Variants in RALGPS1 observed in about 807,000 individuals in gnomAD.
The protein encoded by RALGPS1 is ras-specific guanine nucleotide-releasing factor RalGPS1.
RALGPS1 carries 19 observed loss-of-function variants against 78.8 expected under a neutral mutation model. That is an observed-to-expected ratio of 0.24 (90% CI 0.17 to 0.35). The LOEUF is 0.35. Ranked by LOEUF, RALGPS1 falls within the 10% of genes least tolerant of loss-of-function variation. RALGPS1 has a pLI of 1.00. For missense variants in RALGPS1, 454 were observed against 688.3 expected (o/e 0.66, Z 3.81); for synonymous variants, 228 against 256.3 (o/e 0.89, Z 1.06).
chr9:127,192,735 C>T (rs2061141144), intron 11 of RALGPS1, among the ~76,000 whole-genome samples: 1 of 152,052 alleles, frequency 6.6e-6, no homozygotes, highest in South Asian at 2.1e-4. Context: ...AAAACAGGAG[C>T]CAAAGAGGGA....
intron 3 of RALGPS1, among the ~76,000 whole-genome samples, chr9:126,972,726 A>C (rs1233656000): frequency 6.6e-6 from 1 of 152,338 alleles, no homozygotes; most frequent in East Asian, 1.9e-4. Flanking sequence ...ATTACAAGGA[A>C]TATAAAGGGA....
At chr9:127,149,167 C>T (rs1400066176) in intron 8 of RALGPS1, among the ~76,000 whole-genome samples, 2 of 152,230 alleles carry the variant, frequency 1.3e-5, no homozygotes, top group Non-Finnish European at 2.9e-5. Context: ...TCTAGAGCCC[C>T]ACCCTGTCCA....
chr9:126,940,327 C>T (rs148373427), intron 1 of RALGPS1, among the ~76,000 whole-genome samples: 2 of 152,200 alleles, frequency 1.3e-5, no homozygotes, highest in Admixed American at 6.5e-5. Context: ...AAGTCCAAGC[C>T]ACGTAAATTC....
chr9:127,055,573 G>A (rs1231600065), intron 7 of RALGPS1, among the ~76,000 whole-genome samples: 2 of 152,136 alleles, frequency 1.3e-5, no homozygotes, highest in Non-Finnish European at 2.9e-5. Context: ...CATTGAGATA[G>A]GCACTGTTAC....
At chr9:127,214,920 G>A in intron 18 of RALGPS1, 78 bp downstream of exon 18, 6 of 1,590,202 alleles carry the variant, frequency 3.8e-6, no homozygotes, top group Non-Finnish European at 5.1e-6. Flanking sequence ...AGAAAACAGG[G>A]TTCCCTTCTT....
intron 11 of RALGPS1, among the ~76,000 whole-genome samples, chr9:127,186,061 G>A (rs1398874298): frequency 6.6e-6 from 1 of 152,162 alleles, no homozygotes; most frequent in Non-Finnish European, 1.5e-5. Flanking sequence ...TCATCATCCT[G>A]TCCACTCCAA....
intron 8 of RALGPS1, among the ~76,000 whole-genome samples, chr9:127,125,681 G>A (rs1011326739): frequency 1.9e-4 from 29 of 152,134 alleles, no homozygotes; most frequent in African/African-American, 6.8e-4. Context: ...CTGGATCTCC[G>A]TGTCCCCCTG....
chr9:127,188,617 G>T (rs1274412953), intron 11 of RALGPS1, among the ~76,000 whole-genome samples: 2 of 151,936 alleles, frequency 1.3e-5, no homozygotes, highest in Non-Finnish European at 2.9e-5. Context: ...GGGTCTCTTT[G>T]TTAAGGTTCT....
At chr9:126,930,750 C>G (rs1270752650) in intron 1 of RALGPS1, among the ~76,000 whole-genome samples, 1 of 152,254 alleles carries the variant, frequency 6.6e-6, no homozygotes, top group African/African-American at 2.4e-5. Flanking sequence ...TGAGCCACTG[C>G]TCCTGGTCAA....
intron 14 of RALGPS1, among the ~76,000 whole-genome samples, chr9:127,199,755 G>C (rs1225845868): frequency 6.6e-6 from 1 of 152,170 alleles, no homozygotes; most frequent in Non-Finnish European, 1.5e-5. Flanking sequence ...TGCTGTGAAG[G>C]GGGTACCCCC....
At chr9:127,140,080 A>T (rs773899016) in intron 8 of RALGPS1, among the ~76,000 whole-genome samples, 1 of 152,140 alleles carries the variant, frequency 6.6e-6, no homozygotes, top group Non-Finnish European at 1.5e-5. Context: ...TATTATTATT[A>T]TTGTTGTCAC....
chr9:126,959,593 CT>C (rs11296664), intron 1 of RALGPS1, among the ~76,000 whole-genome samples: 84,459 of 144,110 alleles, frequency 0.59, 27,430 homozygotes, highest in East Asian at 0.8. Context: ...CTGACCAGTT[CT>C]TTTTTTTTTT....
chr9:127,041,725 T>A (rs2047341114), intron 5 of RALGPS1, among the ~76,000 whole-genome samples: 1 of 152,072 alleles, frequency 6.6e-6, no homozygotes, highest in South Asian at 2.1e-4. Flanking sequence ...AGGTGGAGGA[T>A]CTGTGAGTGA....
chr9:126,972,108 A>G (rs1158015617), intron 3 of RALGPS1, among the ~76,000 whole-genome samples: 1 of 152,206 alleles, frequency 6.6e-6, no homozygotes, highest in Admixed American at 6.5e-5. Context: ...TGAGCCTGGT[A>G]CATCTTCCCA....
chr9:127,019,170 A>G (rs1450358111), intron 4 of RALGPS1, among the ~76,000 whole-genome samples: 3 of 152,170 alleles, frequency 2.0e-5, no homozygotes, highest in Non-Finnish European at 4.4e-5. Flanking sequence ...ATTGTATGTA[A>G]TGAATGTACC....
In RALGPS1 at chr9:126,917,283, C is replaced by G. The variant is rs577445056; in HGVS notation, c.-66+2308C>G. ...AATGGCTCTCAGAGACTGCTGCTGTCTGAGTGACCATCATGCTCTTTGGGT... is the reference window on the plus strand; with the variant it reads ...AATGGCTCTCAGAGACTGCTGCTGTGTGAGTGACCATCATGCTCTTTGGGT... On this transcript the variant is annotated intron_variant, in intron 1 of 18. Coordinates refer to ENST00000259351, the MANE Select transcript of RALGPS1 (RefSeq NM_014636.3). Among the ~76,000 whole-genome samples, 9 of 152,262 alleles carry G rather than the reference C, an allele frequency of 5.9e-5. No individual in the cohort carries two copies. The South Asian group carries it at 1.7e-3, about 28-fold the overall frequency.
At chr9:127,138,148 C>T (rs2057528334) in intron 8 of RALGPS1, among the ~76,000 whole-genome samples, 1 of 152,174 alleles carries the variant, frequency 6.6e-6, no homozygotes, top group South Asian at 2.1e-4. Flanking sequence ...CCCCGGGTAG[C>T]GAACATGTGT....
chr9:127,030,086 G>T (rs538631804), intron 4 of RALGPS1, among the ~76,000 whole-genome samples: 24 of 152,086 alleles, frequency 1.6e-4, no homozygotes, highest in African/African-American at 5.3e-4. Flanking sequence ...TGTTGTTAAC[G>T]TGTTTTTTAT....
chr9:126,983,326 G>T (rs2041503233), intron 4 of RALGPS1, among the ~76,000 whole-genome samples: 1 of 152,024 alleles, frequency 6.6e-6, no homozygotes, highest in Admixed American at 6.6e-5. Context: ...GTGGTAAAAT[G>T]AACCTTTGTA....
Sources: allele counts gnomAD v4.1 joint callset (sites outside exome capture counted in the v4.1 genomes callset), GRCh38; gene constraint gnomAD v4.1.1; transcripts MANE v1.5; gene names NCBI Gene and HGNC (gene_info 2026-07-23, HGNC 2026-07-21).